The following QKI variants were observed in gnomAD, a reference collection of about 807,000 sequenced individuals.
QKI encodes the protein KH domain-containing RNA-binding protein QKI.
A neutral mutation model predicts 39.0 loss-of-function variants in QKI; 10 were observed. The ratio of observed to expected loss-of-function variants is 0.26; its 90% CI spans 0.16 to 0.43. The LOEUF (loss-of-function observed/expected upper bound fraction) is 0.43, where lower values mean the gene tolerates loss of function less well. QKI is among the 20% of genes least tolerant of loss of function. The pLI is 1.00. For synonymous variants in QKI, 204 were observed against 155.4 expected (o/e 1.31, Z -2.33); for missense variants, 218 against 428.0 (o/e 0.51, Z 4.33).
intron 3 of QKI, among the ~76,000 whole-genome samples, chr6:163,486,431 G>A (rs139843079): frequency 2.0e-3 from 308 of 152,260 alleles, no homozygotes; most frequent in Non-Finnish European, 3.5e-3. Context: ...GAGTCATATT[G>A]TATAATTGCA....
chr6:163,451,613 G>A (rs578221254), intron 1 of QKI, among the ~76,000 whole-genome samples: 2 of 151,590 alleles, frequency 1.3e-5, no homozygotes, highest in East Asian at 3.9e-4. Flanking sequence ...GGGATATTTA[G>A]ATAGAAAATA....
At chr6:163,487,543 C>G (rs995981904) in intron 3 of QKI, among the ~76,000 whole-genome samples, 1 of 152,118 alleles carries the variant, frequency 6.6e-6, no homozygotes, top group Non-Finnish European at 1.5e-5. Context: ...AATGAGCATA[C>G]AAATGAGGGT....
At chr6:163,433,392 TTTAA>T (rs1279007109) in intron 1 of QKI, among the ~76,000 whole-genome samples, 31 of 152,326 alleles carry the variant, frequency 2.0e-4, no homozygotes, top group South Asian at 1.4e-3. Context: ...TCAGAGTCTC[TTTAA>T]TTGTTAATGT....
intron 4 of QKI, among the ~76,000 whole-genome samples, chr6:163,545,220 A>G (rs1416807745): frequency 2.0e-5 from 3 of 152,130 alleles, no homozygotes; most frequent in Non-Finnish European, 4.4e-5. Flanking sequence ...CTTTCCTGTG[A>G]AGAGGGACAA....
intron 3 of QKI, among the ~76,000 whole-genome samples, chr6:163,492,235 AG>A (rs1352958377): frequency 6.6e-6 from 1 of 152,182 alleles, no homozygotes; most frequent in African/African-American, 2.4e-5. Flanking sequence ...TCATAAGCCT[AG>A]GGAGCCATCC....
At chr6:163,507,510 G>A (rs1329374611) in intron 3 of QKI, among the ~76,000 whole-genome samples, 1 of 152,132 alleles carries the variant, frequency 6.6e-6, no homozygotes, top group African/African-American at 2.4e-5. Flanking sequence ...ACATTAGGTG[G>A]CACTCATTCC....
chr6:163,454,086 T>C (rs1480465720), intron 1 of QKI, among the ~76,000 whole-genome samples: 1 of 152,158 alleles, frequency 6.6e-6, no homozygotes, highest in African/African-American at 2.4e-5. Flanking sequence ...TATTTTTAAA[T>C]ACTAATGGAT....
At chr6:163,465,910 G>A (rs1791705752) in intron 2 of QKI, among the ~76,000 whole-genome samples, 1 of 151,938 alleles carries the variant, frequency 6.6e-6, no homozygotes, top group African/African-American at 2.4e-5. Context: ...GATCACCTGA[G>A]GTCAGGAGTT....
chr6:163,516,152 A>T (rs1737607), intron 3 of QKI, among the ~76,000 whole-genome samples: 133,001 of 152,198 alleles, frequency 0.87, 58,479 homozygotes, highest in East Asian at 1. Context: ...GAGTGCAGGC[A>T]ATTTTTAGAA....
At chr6:163,557,729 C>T (rs1782722920) in intron 4 of QKI, among the ~76,000 whole-genome samples, 1 of 151,812 alleles carries the variant, frequency 6.6e-6, no homozygotes, top group African/African-American at 2.4e-5. Context: ...TCCATTTACC[C>T]TGATGTGATT....
At chr6:163,520,825 T>C (rs1039759458) in intron 3 of QKI, among the ~76,000 whole-genome samples, 6 of 152,232 alleles carry the variant, frequency 3.9e-5, no homozygotes, top group Non-Finnish European at 8.8e-5. Flanking sequence ...TTTTATAGTT[T>C]TGCTAATCAA....
chr6:163,466,994 C>A (rs1791808691), intron 2 of QKI, among the ~76,000 whole-genome samples: 2 of 139,470 alleles, frequency 1.4e-5, no homozygotes, highest in African/African-American at 5.4e-5. Context: ...GTTTAATATC[C>A]AAAAGATACC....
chr6:163,437,254 A>C (rs1186865659), intron 1 of QKI, among the ~76,000 whole-genome samples: 1 of 152,254 alleles, frequency 6.6e-6, no homozygotes, highest in Non-Finnish European at 1.5e-5. Context: ...AATAAGGTAT[A>C]TACATAAGCT....
At chr6:163,429,177 G>C (rs907182789) in intron 1 of QKI, among the ~76,000 whole-genome samples, 19 of 152,196 alleles carry the variant, frequency 1.2e-4, no homozygotes, top group Non-Finnish European at 2.2e-4. Context: ...ATAGTTGTTA[G>C]AGATTTTATG....
At chr6:163,484,220 T>A (rs1793300126) in intron 3 of QKI, among the ~76,000 whole-genome samples, 1 of 151,902 alleles carries the variant, frequency 6.6e-6, no homozygotes, top group Non-Finnish European at 1.5e-5. Flanking sequence ...TTTTTCTTTT[T>A]AAGACAGAGT....
At chr6:163,523,801 C>G (rs1170772258) in intron 3 of QKI, among the ~76,000 whole-genome samples, 3 of 152,128 alleles carry the variant, frequency 2.0e-5, no homozygotes, top group Non-Finnish European at 4.4e-5. Context: ...CCAAACTTTT[C>G]TTTTTAGATG....
intron 1 of QKI, among the ~76,000 whole-genome samples, chr6:163,441,904 A>T (rs1711834509): frequency 6.6e-6 from 1 of 152,196 alleles, no homozygotes; most frequent in Non-Finnish European, 1.5e-5. Flanking sequence ...GCCTGTGTGG[A>T]TGCTGTAGGC....
intron 1 of QKI, among the ~76,000 whole-genome samples, chr6:163,429,418 A>G (rs1788662599): frequency 6.6e-6 from 1 of 152,080 alleles, no homozygotes; most frequent in South Asian, 2.1e-4. Flanking sequence ...TCATGAGCAA[A>G]ATTTTTCCTT....
At chr6:163,506,549 A>T (rs1009558962) in intron 3 of QKI, among the ~76,000 whole-genome samples, 1 of 152,132 alleles carries the variant, frequency 6.6e-6, no homozygotes, top group African/African-American at 2.4e-5. Flanking sequence ...AGATTTTTCA[A>T]TGTATTTTCT....
Sources: allele counts gnomAD v4.1 joint callset (sites outside exome capture counted in the v4.1 genomes callset), GRCh38; gene constraint gnomAD v4.1.1; transcripts MANE v1.5; gene names NCBI Gene and HGNC (gene_info 2026-07-23, HGNC 2026-07-21).